The following G6PC3 variants were observed in gnomAD, a reference collection of about 807,000 sequenced individuals.
G6PC3 encodes glucose-6-phosphatase 3.
A neutral mutation model predicts 38.6 loss-of-function variants in G6PC3; 30 were observed. The ratio of observed to expected loss-of-function variants is 0.78; its 90% CI spans 0.58 to 1.05. The LOEUF is 1.05. Among genes scored for constraint, G6PC3 ranks in the 50% least tolerant of loss-of-function variants. G6PC3 has a pLI of 0.00. For synonymous variants in G6PC3, 192 were observed against 178.1 expected (o/e 1.08, Z -0.62); for missense variants, 377 against 443.1 (o/e 0.85, Z 1.34).
chr17:44,071,630 G>A, intron 1 of G6PC3: 1 of 1,275,066 alleles, frequency 7.8e-7, no homozygotes, highest in Non-Finnish European at 1.0e-6. Flanking sequence ...TTTTTCAGAA[G>A]CATGCTTTGT....
intron 2 of G6PC3, 58 bp from the exon 3 acceptor site, chr17:44,074,622 A>C: frequency 6.9e-7 from 1 of 1,444,278 alleles, no homozygotes; most frequent in Non-Finnish European, 9.7e-7. Context: ...AGGCATCACC[A>C]GGGGCCCCGG....
chr17:44,074,133 A>T, intron 1 of G6PC3, 27 bp from the exon 2 acceptor site: 2 of 1,522,800 alleles, frequency 1.3e-6, no homozygotes, highest in Non-Finnish European at 1.8e-6. Context: ...GCATGTGGAA[A>T]GTCATCTTGC....
Position 44,073,341 on chromosome 17 carries a change from G to GTGGATGATAAGAGC in G6PC3, c.219-815_219-802dup, listed in dbSNP as rs578057343. On this transcript the variant is annotated intron_variant, in intron 1 of 5. Transcript: ENST00000269097. The stretch of plus-strand genomic sequence containing the variant: ...GAGAGAGCTGGGTCCTGGACTCTCT[G>GTGGATGATAAGAGC]TGGATGATAAGAGCTGGCCTTGCAG... 3.9e-5 allele frequency: 6 copies of GTGGATGATAAGAGC among 152,792 alleles called. No homozygotes were observed. The East Asian group carries it at 1.2e-3, about 29-fold the overall frequency. The allele number at this position is 152,792 out of a possible 1,614,324, so 9.5% of individuals were successfully genotyped here. A position where few individuals can be genotyped will look rare whatever the true frequency, so the allele number is the denominator to read the frequency against.
At position 44,075,931 on chromosome 17, in the gene G6PC3, A is replaced by G; in HGVS notation, c.929A>G (p.Tyr310Cys). 6.2e-7 allele frequency: 1 copy of G among 1,613,270 alleles called. No homozygotes were observed. The highest frequency in any genetic ancestry group is 8.5e-7 in the Non-Finnish European group (1 of 1,179,996). ...LGHPPQISLF[Y>C]IFNFLKYTLW... ...CACCCCCCTCAGATCAGCCTCTTCTACATTTTCAATTTCCTCAAGTACACC... is the reference window on the plus strand; with the variant it reads ...CACCCCCCTCAGATCAGCCTCTTCTGCATTTTCAATTTCCTCAAGTACACC... Residue 310 changes from tyrosine to cysteine, a missense_variant, in exon 6 of 6, where the codon TAC becomes TGC. By Grantham distance (194) the Tyr-to-Cys change is radical. Transcript: ENST00000269097.
rs764229993 is a variant in G6PC3, at chr17:44,074,970, C to T, written c.418C>T (p.Arg140Cys). 13 of 1,613,124 alleles carry T rather than the reference C, an allele frequency of 8.1e-6. No homozygotes were observed. Among genetic ancestry groups the T allele is most frequent in the African/African-American group, 4.0e-5 (3 of 74,904 alleles). ...SSQVATRARS[R>C]WVRVMPSLAY... ...GCTCCTTGCCTCTCTTCTTTCTAGC[C>T]GCTGGGTAAGGGTGATGCCTAGCCT... is the stretch of plus-strand genomic sequence containing the variant. Residue 140 changes from arginine to cysteine, a missense_variant and splice_region_variant, in exon 4 of 6, where the codon CGC (arginine) becomes TGC (cysteine). Physicochemically the swap from Arg to Cys is radical, Grantham distance 180. Transcript: ENST00000269097.
intron 1 of G6PC3, 37 bp downstream of exon 1, chr17:44,071,220 C>A (rs751460586): frequency 1.3e-6 from 2 of 1,596,878 alleles, no homozygotes; most frequent in Non-Finnish European, 1.7e-6. Flanking sequence ...CTGGTCCCCA[C>A]CCCCGAGGGC....
At chr17:44,071,493 ATTTATTT>A (rs930687776) in intron 1 of G6PC3, 12 of 635,752 alleles carry the variant, frequency 1.9e-5, no homozygotes, top group South Asian at 1.0e-4. Flanking sequence ...GGGGTTGGGA[ATTTATTT>A]TTTATTTTTT....
At chr17:44,074,405 GA>G (rs2050036860) in intron 2 of G6PC3, 139 bp downstream of exon 2, 1 of 792,228 alleles carries the variant, frequency 1.3e-6, no homozygotes, top group Non-Finnish European at 2.2e-6. Flanking sequence ...GAACCCCAGG[GA>G]GACCAAGCTG....
chr17:44,075,770 G>A lies in G6PC3; in HGVS notation c.768G>A (p.Gly256=), dbSNP rs865977529. 2 of 1,612,268 alleles carry A rather than the reference G, an allele frequency of 1.2e-6. No homozygotes were observed. Among genetic ancestry groups the A allele is most frequent in the Non-Finnish European group, 1.7e-6 (2 of 1,179,994 alleles). The stretch of plus-strand genomic sequence containing the variant: ...TTGCCTCCCTGAGCCGTGACTCAGG[G>A]GCTGCCCTGGGCCTGGGCATTGCCT... ...RPFASLSRDS[G]AALGLGIALH... Residue 256 remains glycine (G), a synonymous_variant, in exon 6 of 6, where the codon GGG becomes GGA. Coordinates refer to ENST00000269097, the MANE Select transcript of G6PC3 (RefSeq NM_138387.4).
intron 1 of G6PC3, chr17:44,073,715 C>G (rs1044106871): frequency 1.0e-5 from 2 of 194,112 alleles, no homozygotes; most frequent in Admixed American, 5.4e-5. Flanking sequence ...GCCCGCCCAG[C>G]CTCCCAAGTA....
intron 5 of G6PC3, 40 bp downstream of exon 5, chr17:44,075,491 C>T (rs376274518): frequency 6.2e-7 from 1 of 1,613,480 alleles, no homozygotes; most frequent in Non-Finnish European, 8.5e-7. Flanking sequence ...TGGGCCCTGT[C>T]CTATCTCGCC....
chr17:44,074,910 T>G, intron 3 of G6PC3, 59 bp from the exon 4 acceptor site: 1 of 1,496,398 alleles, frequency 6.7e-7, no homozygotes. Context: ...ACCTGGGTGC[T>G]GCAGGAGGCC....
In G6PC3 at chr17:44,070,739, G is replaced by GGGAGGAAAACCGGAGGAGAGCGCA. The variant is rs1237819727; in HGVS notation, c.-218_-195dup. 4.8e-6 allele frequency: 3 copies of GGGAGGAAAACCGGAGGAGAGCGCA among 619,484 alleles called. No individual in the cohort carries two copies. The highest frequency in any genetic ancestry group is 8.7e-6 in the Non-Finnish European group (3 of 344,052). The allele number at this position is 619,484 out of a possible 1,614,324, so 38.4% of individuals were successfully genotyped here. ...GGTTTGTCCCCTGCGCTGCCCAGTA[G>GGGAGGAAAACCGGAGGAGAGCGCA]GGAGGAAAACCGGAGGAGAGCGCAG... is the stretch of plus-strand genomic sequence containing the variant. On this transcript the variant is annotated 5_prime_UTR_variant, in exon 1 of 6. Transcript: ENST00000269097.
intron 1 of G6PC3, chr17:44,071,608 C>T: frequency 7.9e-7 from 1 of 1,264,630 alleles, no homozygotes; most frequent in African/African-American, 1.5e-5. Context: ...TGTATTCATT[C>T]ATTTGCTATA....
rs199607910 is a variant in G6PC3 at position 44,075,285 on chromosome 17, A to G, written c.536-25A>G. 7 of 1,613,832 alleles carry G rather than the reference A, an allele frequency of 4.3e-6. No individual in the cohort carries two copies. The Admixed American group carries it at 1.2e-4, about 27-fold the overall frequency. Reference sequence around the variant, plus strand: ...AGGGTCATATCCCCAGACTCCTTGAAGCTGTTGTCACTCCACTCTCCTAGG... The same window carrying G: ...AGGGTCATATCCCCAGACTCCTTGAGGCTGTTGTCACTCCACTCTCCTAGG... On this transcript the variant is annotated intron_variant, in intron 4 of 5. Coordinates refer to ENST00000269097, the MANE Select transcript of G6PC3 (RefSeq NM_138387.4).
chr17:44,071,811 G>C (rs1009671996), intron 1 of G6PC3: 2 of 461,384 alleles, frequency 4.3e-6, no homozygotes, highest in African/African-American at 4.0e-5. Context: ...AAGGTTCCCA[G>C]GTGATTCCCT....
chr17:44,070,916 C>G lies in G6PC3; in HGVS notation c.-50C>G. The G allele has an allele frequency of 6.5e-7, 1 of 1,540,590 alleles. No homozygotes were observed. Among genetic ancestry groups the G allele is most frequent in the Non-Finnish European group, 8.7e-7 (1 of 1,146,072 alleles). On this transcript the variant is annotated 5_prime_UTR_variant, in exon 1 of 6. Coordinates refer to ENST00000269097, the MANE Select transcript of G6PC3 (RefSeq NM_138387.4). ...TCGACGCTGCTTCGTTGCCTGGACTCTGGTTTCCGCCCTGGAGCAAGCCGG... is the reference window on the plus strand; with the variant it reads ...TCGACGCTGCTTCGTTGCCTGGACTGTGGTTTCCGCCCTGGAGCAAGCCGG...
intron 1 of G6PC3, chr17:44,072,964 T>A (rs974413005): frequency 1.6e-4 from 24 of 152,122 alleles, no homozygotes; most frequent in African/African-American, 5.6e-4. Context: ...TGTGAGCACT[T>A]GTTGTATATA....
At position 44,070,798 on chromosome 17, in the gene G6PC3, A is replaced by G; in HGVS notation, c.-168A>G. ...AGTACCGGCTGGAGGCCGGTCTTGC[A>G]GGAGCGGGGGACTGCTGGGGGCGGG... On this transcript the variant is annotated 5_prime_UTR_variant, in exon 1 of 6. Coordinates refer to ENST00000269097, the MANE Select transcript of G6PC3 (RefSeq NM_138387.4). The G allele has an allele frequency of 1.4e-6, 1 of 733,992 alleles. No individual in the cohort carries two copies. The highest frequency in any genetic ancestry group is 2.3e-6 in the Non-Finnish European group (1 of 426,408). The allele number at this position is 733,992 out of a possible 1,614,324, so 45.5% of individuals were successfully genotyped here.
Sources: allele counts gnomAD v4.1 joint callset, GRCh38; gene constraint gnomAD v4.1.1; transcripts MANE v1.5; gene names NCBI Gene and HGNC (gene_info 2026-07-23, HGNC 2026-07-21).